The following GNAQ variants were observed in gnomAD, a reference collection of about 807,000 sequenced individuals.
GNAQ encodes G protein subunit alpha q.
In GNAQ, 8 loss-of-function variants were observed where a neutral mutation model predicts 43.9. That is an observed-to-expected ratio of 0.18 (90% CI 0.11 to 0.33). The LOEUF (loss-of-function observed/expected upper bound fraction) is 0.33. Among genes scored for constraint, GNAQ ranks in the 10% least tolerant of loss-of-function variants. GNAQ has a pLI of 1.00. For missense variants in GNAQ, 158 were observed against 450.8 expected (o/e 0.35, Z 5.88); for synonymous variants, 155 against 170.7 (o/e 0.91, Z 0.71).
intron 2 of GNAQ, among the ~76,000 whole-genome samples, chr9:77,836,074 G>A (rs1277020804): frequency 6.6e-6 from 1 of 152,060 alleles, no homozygotes; most frequent in Admixed American, 6.6e-5. Context: ...TAAACTTATG[G>A]CCAAAATAAC....
chr9:77,957,441 T>C (rs1239835487), intron 1 of GNAQ, among the ~76,000 whole-genome samples: 1 of 152,142 alleles, frequency 6.6e-6, no homozygotes, highest in Non-Finnish European at 1.5e-5. Flanking sequence ...AGCTCTTGCT[T>C]GCCCCTATCC....
At chr9:77,789,649 A>G (rs1020577270) in intron 5 of GNAQ, among the ~76,000 whole-genome samples, 1 of 152,140 alleles carries the variant, frequency 6.6e-6, no homozygotes, top group Admixed American at 6.5e-5. Context: ...TTATATTCAT[A>G]ATTAGTTGTA....
chr9:78,027,546 G>GT (rs1265153003), intron 1 of GNAQ, among the ~76,000 whole-genome samples: 2 of 151,920 alleles, frequency 1.3e-5, no homozygotes, highest in Non-Finnish European at 2.9e-5. Context: ...AGACTGGCCT[G>GT]TCGCGACCAG....
intron 2 of GNAQ, among the ~76,000 whole-genome samples, chr9:77,892,341 T>G (rs2118114371): frequency 6.6e-6 from 1 of 152,300 alleles, no homozygotes; most frequent in Admixed American, 6.5e-5. Context: ...GTAAATGCAT[T>G]AAGTAGGCTC....
At chr9:77,727,503 T>C (rs908929908) in intron 6 of GNAQ, among the ~76,000 whole-genome samples, 1 of 152,052 alleles carries the variant, frequency 6.6e-6, no homozygotes, top group African/African-American at 2.4e-5. Context: ...ACAAAGCAAA[T>C]AATGCAGAGC....
intron 2 of GNAQ, among the ~76,000 whole-genome samples, chr9:77,828,790 G>C (rs372179577): frequency 1.3e-5 from 2 of 152,156 alleles, no homozygotes; most frequent in Non-Finnish European, 2.9e-5. Flanking sequence ...AGGCCTGGGG[G>C]AGCCTCTGTT....
intron 1 of GNAQ, among the ~76,000 whole-genome samples, chr9:77,983,495 G>C (rs898822280): frequency 1.3e-5 from 2 of 152,190 alleles, no homozygotes; most frequent in African/African-American, 4.8e-5. Context: ...GGACTGGTAT[G>C]GCCTTGAGCC....
chr9:77,823,595 T>C (rs1827148417), intron 2 of GNAQ, among the ~76,000 whole-genome samples: 2 of 152,082 alleles, frequency 1.3e-5, no homozygotes, highest in Non-Finnish European at 2.9e-5. Flanking sequence ...ATAGGAAGCA[T>C]GAATGGGAGG....
intron 2 of GNAQ, among the ~76,000 whole-genome samples, chr9:77,878,168 G>C (rs1222972787): frequency 6.6e-6 from 1 of 151,418 alleles, no homozygotes; most frequent in Non-Finnish European, 1.5e-5. Flanking sequence ...CAGTTCCCAG[G>C]AATATGAGAT....
intron 5 of GNAQ, among the ~76,000 whole-genome samples, chr9:77,750,532 C>T (rs956000144): frequency 4.6e-5 from 7 of 152,140 alleles, no homozygotes; most frequent in African/African-American, 1.7e-4. Flanking sequence ...AGATGGTATA[C>T]AGAAGTCGAC....
intron 2 of GNAQ, among the ~76,000 whole-genome samples, chr9:77,883,522 C>T (rs1026243884): frequency 6.6e-6 from 1 of 150,862 alleles, no homozygotes; most frequent in Admixed American, 6.6e-5. Context: ...TAGACTCAGG[C>T]AGTACATGTG....
At chr9:77,884,374 T>C (rs1192759499) in intron 2 of GNAQ, among the ~76,000 whole-genome samples, 1 of 152,244 alleles carries the variant, frequency 6.6e-6, no homozygotes, top group Non-Finnish European at 1.5e-5. Context: ...TTCTCTGTTC[T>C]GCTATATTTC....
chr9:77,716,817 A>C lies in GNAQ; in HGVS notation c.*4506T>G. The C allele has an allele frequency of 4.3e-6, 1 of 232,924 alleles. No individual in the cohort carries two copies. The highest frequency in any genetic ancestry group is 2.2e-5 in the African/African-American group (1 of 45,436). The allele number at this position is 232,924 out of a possible 1,614,324, so 14.4% of individuals were successfully genotyped here. On this transcript the variant is annotated 3_prime_UTR_variant, in exon 7 of 7. Coordinates refer to ENST00000286548, the MANE Select transcript of GNAQ (RefSeq NM_002072.5). Reference sequence around the variant, plus strand: ...ATGGAGGACACAGGGTAGATAAGGAAGGCAAGGAGGAAATTAATATTTGAG... The same window carrying C: ...ATGGAGGACACAGGGTAGATAAGGACGGCAAGGAGGAAATTAATATTTGAG...
chr9:78,031,351 G>C lies in GNAQ; in HGVS notation c.-116C>G. 3.8e-6 allele frequency: 3 copies of C among 789,190 alleles called. No individual in the cohort carries two copies. The highest frequency in any genetic ancestry group is 5.0e-6 in the Non-Finnish European group (3 of 594,070). 48.9% of individuals were successfully genotyped at this position (789,190 alleles called of 1,614,324 possible). A position where few individuals can be genotyped will look rare whatever the true frequency, so the allele number is the denominator to read the frequency against. Reference sequence around the variant, plus strand: ...GGTGGCCGCCGAGCCCCCGCCGCCCGGGCGCGCGTCCGGGACGAGCTCCGG... The same window carrying C: ...GGTGGCCGCCGAGCCCCCGCCGCCCCGGCGCGCGTCCGGGACGAGCTCCGG... On this transcript the variant is annotated 5_prime_UTR_variant, in exon 1 of 7. Transcript: ENST00000286548.
intron 1 of GNAQ, among the ~76,000 whole-genome samples, chr9:77,924,393 C>G (rs143583003): frequency 2.0e-5 from 3 of 152,032 alleles, no homozygotes; most frequent in African/African-American, 7.2e-5. Context: ...TTTATTATCA[C>G]GATCCCAGAG....
intron 1 of GNAQ, among the ~76,000 whole-genome samples, chr9:77,943,086 T>A (rs572498067): frequency 7.9e-5 from 12 of 152,272 alleles, no homozygotes; most frequent in African/African-American, 2.9e-4. Flanking sequence ...GTTCCACTAG[T>A]CCCAGTTAGC....
intron 2 of GNAQ, among the ~76,000 whole-genome samples, chr9:77,823,275 C>T (rs1827144118): frequency 6.6e-6 from 1 of 152,114 alleles, no homozygotes. Context: ...GAAAATAACT[C>T]ACATCCTACA....
rs1237610340 is a variant in GNAQ at position 78,031,074 on chromosome 9, C to T, written c.136+26G>A. 7 of 1,430,092 alleles carry T rather than the reference C, an allele frequency of 4.9e-6. No individual in the cohort carries two copies. In the African/African-American group the frequency reaches 8.8e-5, roughly 18 times the overall value. The allele number at this position is 1,430,092 out of a possible 1,614,324, so 88.6% of individuals were successfully genotyped here. A position where few individuals can be genotyped will look rare whatever the true frequency, so the allele number is the denominator to read the frequency against. On this transcript the variant is annotated intron_variant, in intron 1 of 6. Coordinates refer to ENST00000286548, the MANE Select transcript of GNAQ (RefSeq NM_002072.5). ...GATGGTGGGCTGGGGGCGCAGAGGCCCGGCGGGGCCCCGGACGGTACTCAC... is the reference window on the plus strand; with the variant it reads ...GATGGTGGGCTGGGGGCGCAGAGGCTCGGCGGGGCCCCGGACGGTACTCAC...
intron 5 of GNAQ, among the ~76,000 whole-genome samples, chr9:77,730,451 C>CT (rs1211757850): frequency 1.4e-4 from 21 of 152,280 alleles, no homozygotes; most frequent in Admixed American, 1.2e-3. Flanking sequence ...GTACAATAAT[C>CT]TGGATCCTGA....
Sources: gnomAD v4.1 joint callset for allele counts (sites outside exome capture counted in the v4.1 genomes callset) on GRCh38, gnomAD v4.1.1 for gene constraint, MANE v1.5 for transcripts, NCBI Gene and HGNC (gene_info 2026-07-23, HGNC 2026-07-21) for gene names.